CTSB: variants seen among roughly 807,000 people sequenced by gnomAD.
CTSB encodes the protein cathepsin B, also known as APP secretase.
CTSB carries 57 observed loss-of-function variants against 44.3 expected under a neutral mutation model. The ratio of observed to expected loss-of-function variants is 1.29; its 90% CI spans 1.04 to 1.60. The LOEUF is 1.60. Among genes scored for constraint, CTSB ranks in the 40% most tolerant of loss-of-function variants. The pLI is 0.00. For synonymous variants in CTSB, 320 were observed against 168.0 expected (o/e 1.91, Z -7.00); for missense variants, 768 against 443.0 (o/e 1.73, Z -6.59).
chr8:11,853,215 A>G lies in CTSB; in HGVS notation c.126+114T>C, dbSNP rs564079679. Reference sequence around the variant, plus strand: ...CTCAGGGTCAGGGCCATTTTTCAACAGTCCAGGACAATGTTCTGTGGGCCA... The same window carrying G: ...CTCAGGGTCAGGGCCATTTTTCAACGGTCCAGGACAATGTTCTGTGGGCCA... On this transcript the variant is annotated intron_variant, in intron 2 of 9. Coordinates refer to ENST00000353047, the MANE Select transcript of CTSB (RefSeq NM_001908.5). The G allele has an allele frequency of 3.5e-6, 5 of 1,421,200 alleles. No individual in the cohort carries two copies. The African/African-American group carries it at 7.1e-5, about 20-fold the overall frequency. 88.0% of individuals were successfully genotyped at this position (1,421,200 alleles called of 1,614,324 possible).
chr8:11,852,174 G>A lies in CTSB; in HGVS notation c.212+436C>T, dbSNP rs548550915. On this transcript the variant is annotated intron_variant, in intron 3 of 9. Transcript: ENST00000353047. ...CTTGCTGAGGCCAAGAGTTCGAGAC[G>A]AGCCTGGCCAGTATGGCGAAACCCA... is the stretch of plus-strand genomic sequence containing the variant. Among the ~76,000 whole-genome samples, 8 of 152,202 alleles carry A rather than the reference G, an allele frequency of 5.3e-5. No homozygotes were observed. The South Asian group carries it at 8.3e-4, about 16-fold the overall frequency.
chr8:11,852,779 G>C lies in CTSB; in HGVS notation c.127-84C>G, dbSNP rs1814831305. The C allele has an allele frequency of 8.3e-6, 11 of 1,329,474 alleles. No homozygotes were observed. In the South Asian group the frequency reaches 1.2e-4, roughly 15 times the overall value. The allele number at this position is 1,329,474 out of a possible 1,614,324, so 82.4% of individuals were successfully genotyped here. ...CTGCCCACACACGAAGCCCAACCCAGGGAAAACCAGAGACCCTACCCAATT... is the reference window on the plus strand; with the variant it reads ...CTGCCCACACACGAAGCCCAACCCACGGAAAACCAGAGACCCTACCCAATT... On this transcript the variant is annotated intron_variant, in intron 2 of 9. Transcript: ENST00000353047.
intron 1 of CTSB, chr8:11,862,365 G>A (rs985018080): frequency 4.6e-5 from 7 of 152,218 alleles, no homozygotes; most frequent in African/African-American, 1.4e-4. Flanking sequence ...GCTCAGAGCA[G>A]CGCCATCTGG....
chr8:11,845,641 G>A lies in CTSB; in HGVS notation c.922+20C>T, dbSNP rs1813160431. ...GGCTCACAATTCACTGTTCTTGGCA[G>A]GAAGGGGGCAGCCACTCACCATTGT... is the stretch of plus-strand genomic sequence containing the variant. On this transcript the variant is annotated intron_variant, in intron 9 of 9. Coordinates refer to ENST00000353047, the MANE Select transcript of CTSB (RefSeq NM_001908.5). 8.7e-6 allele frequency: 14 copies of A among 1,609,536 alleles called. No homozygotes were observed. Among genetic ancestry groups the A allele is most frequent in the Non-Finnish European group, 1.0e-5 (12 of 1,176,854 alleles).
intron 4 of CTSB, among the ~76,000 whole-genome samples, chr8:11,850,402 G>A (rs1343270950): frequency 1.0e-4 from 12 of 114,988 alleles, no homozygotes; most frequent in African/African-American, 3.4e-4. Flanking sequence ...CTGGGTGACA[G>A]AGCAAGACTC....
chr8:11,855,454 C>G (rs1207860354), intron 1 of CTSB, among the ~76,000 whole-genome samples: 1 of 152,188 alleles, frequency 6.6e-6, no homozygotes, highest in Non-Finnish European at 1.5e-5. Flanking sequence ...GCCAGGTGTT[C>G]AACACCAGCC....
At chr8:11,865,828 G>GA (rs548713685) in intron 1 of CTSB, among the ~76,000 whole-genome samples, 1 of 142,600 alleles carries the variant, frequency 7.0e-6, no homozygotes, top group South Asian at 2.3e-4. Context: ...CTAACATGGT[G>GA]AAAGCCCGTC....
chr8:11,859,693 AG>A (rs1254283297), intron 1 of CTSB, among the ~76,000 whole-genome samples: 1 of 144,442 alleles, frequency 6.9e-6, no homozygotes, highest in Non-Finnish European at 1.5e-5. Flanking sequence ...ACTTGAATCC[AG>A]GAAGCGGAGG....
At position 11,859,120 on chromosome 8, in the gene CTSB, G is replaced by C. The variant is rs116492880; in HGVS notation, c.-25-5641C>G. The stretch of plus-strand genomic sequence containing the variant: ...GTGCACCCCTCTGCCCCTTTTCCAA[G>C]CTAATCTTTGGGTTAAAAAAAACAG... On this transcript the variant is annotated intron_variant, in intron 1 of 9. Coordinates refer to ENST00000353047, the MANE Select transcript of CTSB (RefSeq NM_001908.5). Among the ~76,000 whole-genome samples, 693 of 152,162 alleles carry C rather than the reference G, an allele frequency of 4.6e-3. 4 individuals carry two copies. The highest frequency in any genetic ancestry group is 0.016 in the African/African-American group (659 of 41,494).
In CTSB at chr8:11,853,357, T is replaced by C. The variant is rs200750015; in HGVS notation, c.98A>G (p.Tyr33Cys). ...CCACGTGGTATTCCGTTTGTTGACA[T>C]AGTTGACCAGCTCATCCGACAGGGG... ...FHPLSDELVN[Y>C]VNKRNTTWQA... The change falls in exon 2 of 10, where the codon TAT (tyrosine) becomes TGT (cysteine). Residue 33 changes from tyrosine (Y) to cysteine (C), a missense_variant. Physicochemically the swap from Tyr to Cys is radical, Grantham distance 194. Coordinates refer to ENST00000353047, the MANE Select transcript of CTSB (RefSeq NM_001908.5). 49 of 1,613,082 alleles carry C rather than the reference T, an allele frequency of 3.0e-5. No homozygotes were observed. The highest frequency in any genetic ancestry group is 2.7e-4 in the East Asian group (12 of 44,826).
At chr8:11,857,207 C>T (rs931460515) in intron 1 of CTSB, among the ~76,000 whole-genome samples, 5 of 152,058 alleles carry the variant, frequency 3.3e-5, no homozygotes, top group African/African-American at 1.2e-4. Flanking sequence ...TAGTATAGTC[C>T]GTGTTTCGTT....
chr8:11,848,324 G>C (rs1471387352), intron 5 of CTSB, 172 bp from the exon 6 acceptor site: 1 of 695,914 alleles, frequency 1.4e-6, no homozygotes, highest in South Asian at 1.5e-5. Flanking sequence ...CCCTAGATAA[G>C]CACAGCTTGC....
chr8:11,849,816 G>A (rs1814219156), intron 4 of CTSB, among the ~76,000 whole-genome samples: 1 of 151,906 alleles, frequency 6.6e-6, no homozygotes, highest in South Asian at 2.1e-4. Flanking sequence ...CCTGACCTCA[G>A]GTGATCCGCC....
At chr8:11,864,059 G>A (rs996189923) in intron 1 of CTSB, among the ~76,000 whole-genome samples, 1 of 152,252 alleles carries the variant, frequency 6.6e-6, no homozygotes. Flanking sequence ...AAATGGACTA[G>A]AACTGGATGT....
Position 11,848,997 on chromosome 8 carries a change from C to A in CTSB, c.446+49G>T, listed in dbSNP as rs752498205. Reference sequence around the variant, plus strand: ...GTCCCCTCCACTGAGAAGCTGGGGCCCAGGGTCTCTCAGCACTAAACCCGC... The same window carrying A: ...GTCCCCTCCACTGAGAAGCTGGGGCACAGGGTCTCTCAGCACTAAACCCGC... On this transcript the variant is annotated intron_variant, in intron 5 of 9. Transcript: ENST00000353047. 2.9e-6 allele frequency: 4 copies of A among 1,401,700 alleles called. No individual in the cohort carries two copies. The South Asian group carries it at 4.7e-5, about 16-fold the overall frequency. The allele number at this position is 1,401,700 out of a possible 1,614,324, so 86.8% of individuals were successfully genotyped here. A position where few individuals can be genotyped will look rare whatever the true frequency, so the allele number is the denominator to read the frequency against.
chr8:11,856,834 A>G (rs761965469), intron 1 of CTSB, among the ~76,000 whole-genome samples: 13 of 147,234 alleles, frequency 8.8e-5, no homozygotes, highest in Admixed American at 3.5e-4. Flanking sequence ...ACTTTTTTTC[A>G]CAACATACCC....
At position 11,849,069 on chromosome 8, in the gene CTSB, G is replaced by A; in HGVS notation, c.423C>T (p.Cys141=). 6.2e-7 allele frequency: 1 copy of A among 1,613,218 alleles called. No homozygotes were observed. Among genetic ancestry groups the A allele is most frequent in the Non-Finnish European group, 8.5e-7 (1 of 1,179,574 alleles). The change falls in exon 5 of 10, where the codon TGC becomes TGT. Residue 141 remains cysteine (C), a synonymous_variant. Transcript: ENST00000353047. Reference sequence around the variant, plus strand: ...ACCCGTCCCCACACATGCTGCCACAGCATGTGAGCAGGTCCTCCGCCGACA... The same window carrying A: ...ACCCGTCCCCACACATGCTGCCACAACATGTGAGCAGGTCCTCCGCCGACA... The part of the protein sequence containing the change: ...VEVSAEDLLT[C]CGSMCGDGCN...
At chr8:11,848,003 G>T (rs1281493533) in intron 6 of CTSB, 64 bp downstream of exon 6, 1 of 1,425,652 alleles carries the variant, frequency 7.0e-7, no homozygotes, top group Non-Finnish European at 9.7e-7. Context: ...GGCAAATAAA[G>T]CCATGATGGT....
rs709822 is a variant in CTSB, at chr8:11,844,804, C to G, written c.*321G>C. On this transcript the variant is annotated 3_prime_UTR_variant, in exon 10 of 10. Transcript: ENST00000353047. ...TTAGGAACTCCGCTTTCCATTCCTG[C>G]GTCTCTGTCTTGCTCCCTGGAGATG... 0.26 allele frequency: 69,152 copies of G among 270,424 alleles called. 9,957 individuals carry two copies. The highest frequency in any genetic ancestry group is 0.33 in the Middle Eastern group (298 of 906). 16.8% of individuals were successfully genotyped at this position (270,424 alleles called of 1,614,324 possible).
Sources: gnomAD v4.1 joint callset for allele counts (sites outside exome capture counted in the v4.1 genomes callset) on GRCh38, gnomAD v4.1.1 for gene constraint, MANE v1.5 for transcripts, NCBI Gene and HGNC (gene_info 2026-07-23, HGNC 2026-07-21) for gene names.